Variants in EPHA6 observed in about 807,000 individuals in gnomAD.
EPHA6 encodes ephrin type-A receptor 6.
A neutral mutation model predicts 112.0 loss-of-function variants in EPHA6; 50 were observed. That is an observed-to-expected ratio of 0.45 (90% confidence interval 0.36 to 0.56). The LOEUF is 0.56. EPHA6 is among the 20% of genes least tolerant of loss of function. The pLI, the probability that EPHA6 is intolerant of heterozygous loss-of-function variation, is 0.00. For synonymous variants in EPHA6, 529 were observed against 490.7 expected, an observed-to-expected ratio of 1.08 and a Z score of -1.03; for missense variants, 1,280 against 1,417.4, an observed-to-expected ratio of 0.90 and a Z score of 1.56.
At chr3:97,273,676 G>A (rs536596676) in intron 5 of EPHA6, among the ~76,000 whole-genome samples, 165 of 152,242 alleles carry the variant, frequency 1.1e-3, no homozygotes, top group South Asian at 2.1e-3. Flanking sequence ...GAGGACCGTA[G>A]GGGATATAAA....
chr3:97,386,551 C>T, intron 5 of EPHA6, among the ~76,000 whole-genome samples: 1 of 152,204 alleles, frequency 6.6e-6, no homozygotes, highest in East Asian at 1.9e-4. Flanking sequence ...CCTTGGGCAG[C>T]TCTGTCCCTG....
chr3:97,471,820 T>C (rs2091237694), intron 7 of EPHA6, among the ~76,000 whole-genome samples: 1 of 151,802 alleles, frequency 6.6e-6, no homozygotes, highest in Admixed American at 6.6e-5. Context: ...GGACACTGTA[T>C]TGGTTTCCTA....
At chr3:96,819,883 A>G (rs2033116186) in intron 1 of EPHA6, among the ~76,000 whole-genome samples, 1 of 152,142 alleles carries the variant, frequency 6.6e-6, no homozygotes, top group Non-Finnish European at 1.5e-5. Flanking sequence ...GTAAGTAAAT[A>G]AAACAATAAA....
intron 6 of EPHA6, among the ~76,000 whole-genome samples, chr3:97,435,666 T>A (rs1308312741): frequency 6.6e-6 from 1 of 152,180 alleles, no homozygotes; most frequent in African/African-American, 2.4e-5. Flanking sequence ...GGGCAACATG[T>A]GTGACCTCTG....
At chr3:97,110,910 G>T (rs1329202976) in intron 3 of EPHA6, among the ~76,000 whole-genome samples, 2 of 151,946 alleles carry the variant, frequency 1.3e-5, no homozygotes, top group Non-Finnish European at 2.9e-5. Flanking sequence ...TTAGACCCAA[G>T]TTGTCAAAAT....
chr3:97,537,887 C>T (rs2092786178), intron 11 of EPHA6, among the ~76,000 whole-genome samples: 1 of 152,088 alleles, frequency 6.6e-6, no homozygotes, highest in Admixed American at 6.6e-5. Context: ...CCTCTAGTCA[C>T]TGTTAATACA....
chr3:96,964,985 A>G (rs900539991), intron 2 of EPHA6, among the ~76,000 whole-genome samples: 2 of 152,090 alleles, frequency 1.3e-5, no homozygotes, highest in African/African-American at 2.4e-5. Context: ...GACTCCAGGG[A>G]TGCCTTGTGG....
chr3:96,830,378 C>T (rs2033984926), intron 1 of EPHA6, among the ~76,000 whole-genome samples: 1 of 152,036 alleles, frequency 6.6e-6, no homozygotes, highest in South Asian at 2.1e-4. Flanking sequence ...AAAGAAAATA[C>T]CAAATACTTT....
intron 6 of EPHA6, among the ~76,000 whole-genome samples, chr3:97,420,741 A>G (rs2088550624): frequency 6.6e-6 from 1 of 152,036 alleles, no homozygotes; most frequent in African/African-American, 2.4e-5. Flanking sequence ...GGGCAGTAGG[A>G]GAAATAATAA....
At chr3:96,868,034 T>C (rs533470656) in intron 2 of EPHA6, among the ~76,000 whole-genome samples, 24 of 152,108 alleles carry the variant, frequency 1.6e-4, no homozygotes, top group Non-Finnish European at 3.5e-4. Flanking sequence ...GATTATGCTT[T>C]TATCTTCATT....
chr3:96,832,365 G>A (rs1230514849), intron 1 of EPHA6, among the ~76,000 whole-genome samples: 2 of 151,968 alleles, frequency 1.3e-5, no homozygotes, highest in African/African-American at 2.4e-5. Context: ...AAATCATGAA[G>A]CTAAAGTCCC....
At chr3:97,571,436 A>C (rs185365917) in intron 11 of EPHA6, among the ~76,000 whole-genome samples, 102 of 152,296 alleles carry the variant, frequency 6.7e-4, no homozygotes, top group African/African-American at 2.3e-3. Flanking sequence ...ATGTTAGGCA[A>C]TTTCTCCAAA....
intron 3 of EPHA6, among the ~76,000 whole-genome samples, chr3:97,001,628 A>AT (rs1341708991): frequency 3.3e-5 from 5 of 151,940 alleles, no homozygotes; most frequent in South Asian, 2.1e-4. Flanking sequence ...ACTACAAACT[A>AT]TTTTTTTAGA....
At chr3:97,589,165 T>C (rs2093519453) in intron 11 of EPHA6, among the ~76,000 whole-genome samples, 1 of 146,596 alleles carries the variant, frequency 6.8e-6, no homozygotes, top group African/African-American at 2.5e-5. Context: ...TTTCTTCTCT[T>C]TTTTTTTTTT....
chr3:97,168,853 A>T (rs150755882), intron 3 of EPHA6, among the ~76,000 whole-genome samples: 2 of 152,230 alleles, frequency 1.3e-5, no homozygotes, highest in East Asian at 1.9e-4. Flanking sequence ...TGCTATAAAG[A>T]TACCTGAAAA....
At chr3:97,232,324 A>G (rs1013168259) in intron 4 of EPHA6, among the ~76,000 whole-genome samples, 4 of 152,214 alleles carry the variant, frequency 2.6e-5, no homozygotes, top group Non-Finnish European at 5.9e-5. Context: ...TGTTAAATTA[A>G]AAAGAAAGCT....
intron 11 of EPHA6, among the ~76,000 whole-genome samples, chr3:97,576,287 T>G (rs1427669848): frequency 1.2e-5 from 1 of 84,536 alleles, no homozygotes; most frequent in East Asian, 2.5e-4. Flanking sequence ...TGTTTATTCA[T>G]TTTTTTTCCT....
chr3:97,672,704 A>C (rs1231546174), intron 14 of EPHA6, among the ~76,000 whole-genome samples: 1 of 152,154 alleles, frequency 6.6e-6, no homozygotes, highest in Non-Finnish European at 1.5e-5. Flanking sequence ...AAGGAGAGGA[A>C]ATAATCCCTT....
chr3:97,263,467 ACC>A (rs2079567073), intron 5 of EPHA6, among the ~76,000 whole-genome samples: 1 of 150,664 alleles, frequency 6.6e-6, no homozygotes, highest in African/African-American at 2.4e-5. Flanking sequence ...ACACACACAC[ACC>A]CGCTAGGCAA....
Sources: allele counts gnomAD v4.1 joint callset (sites outside exome capture counted in the v4.1 genomes callset), GRCh38; gene constraint gnomAD v4.1.1; transcripts MANE v1.5; gene names NCBI Gene and HGNC (gene_info 2026-07-23, HGNC 2026-07-21).